TSPEAR: variants seen among roughly 807,000 people sequenced by gnomAD.
TSPEAR encodes the protein thrombospondin type laminin G domain and EAR repeats, also known as thrombospondin-type laminin G domain and EAR repeat-containing protein.
Under a neutral mutation model 71.6 loss-of-function variants are expected in TSPEAR, and 69 were observed. The observed-to-expected ratio is 0.96, with a 90% CI of 0.79 to 1.18. The LOEUF (loss-of-function observed/expected upper bound fraction) is 1.18, where lower values mean the gene tolerates loss of function less well. Ranked by LOEUF, TSPEAR falls within the 50% of genes most tolerant of loss-of-function variation. TSPEAR has a pLI of 0.00. For synonymous variants in TSPEAR, 402 were observed against 387.2 expected (o/e 1.04, Z -0.45); for missense variants, 971 against 894.9 (o/e 1.09, Z -1.09).
rs587775466 is a variant in TSPEAR at position 44,560,563 on chromosome 21, A to G, written c.303+7222T>C. 5.9e-5 allele frequency among the ~76,000 whole-genome samples: 9 copies of G among 152,310 alleles called. No homozygotes were observed. The East Asian group carries it at 1.7e-3, about 29-fold the overall frequency. On this transcript the variant is annotated intron_variant, in intron 2 of 11. Coordinates refer to ENST00000323084, the MANE Select transcript of TSPEAR (RefSeq NM_144991.3). ...TCAGTGTCACATGGCACTTATTCTA[A>G]AATTGACTTTATAATTGAAAGTAAA...
rs1987296448 is a variant in TSPEAR at position 44,695,515 on chromosome 21, C to T, written c.82+15918G>A. On this transcript the variant is annotated intron_variant, in intron 1 of 11. Transcript: ENST00000323084. The surrounding 1 kb of genome is among the most constrained non-coding windows in gnomAD (Gnocchi z 4.5). ...CACACTCCCTCAGGGTTGCAATGAC[C>T]TCCGATCCCAAGACCCTTTTCCCAA... Among the ~76,000 whole-genome samples the T allele has an allele frequency of 6.6e-6, 1 of 152,196 alleles. No homozygotes were observed. Among genetic ancestry groups the T allele is most frequent in the African/African-American group, 2.4e-5 (1 of 41,462 alleles).
intron 1 of TSPEAR, chr21:44,681,884 G>A: frequency 6.2e-7 from 1 of 1,614,134 alleles, no homozygotes; most frequent in South Asian, 1.1e-5. Context: ...GGACGCTGGT[G>A]CAGGAAGGCT....
intron 2 of TSPEAR, among the ~76,000 whole-genome samples, chr21:44,559,556 C>G (rs2053603879): frequency 6.6e-6 from 1 of 152,172 alleles, no homozygotes; most frequent in Non-Finnish European, 1.5e-5. Context: ...TCCTTGGGAG[C>G]TCCAAGGTCT....
intron 9 of TSPEAR, chr21:44,510,912 G>C (rs1295647560): frequency 1.3e-5 from 2 of 152,288 alleles, no homozygotes; most frequent in African/African-American, 4.8e-5. Context: ...AGGCTTTCCC[G>C]GGTCAGCGCG....
Position 44,588,725 on chromosome 21 carries a change from T to C in TSPEAR, c.83-20720A>G, listed in dbSNP as rs587679257. Among the ~76,000 whole-genome samples, 7 of 75,658 alleles carry C rather than the reference T, an allele frequency of 9.3e-5. No individual in the cohort carries two copies. In the South Asian group the frequency reaches 2.9e-3, roughly 31 times the overall value. The allele number at this position is 75,658 out of a possible 152,430, so 49.6% of individuals were successfully genotyped here. On this transcript the variant is annotated intron_variant, in intron 1 of 11. Coordinates refer to ENST00000323084, the MANE Select transcript of TSPEAR (RefSeq NM_144991.3). ...ATATATATAAACTGATATATATGTG[T>C]GTGTATATATGTATATATATGTTAT...
chr21:44,707,617 A>G (rs1388646397), intron 1 of TSPEAR, among the ~76,000 whole-genome samples: 5 of 152,080 alleles, frequency 3.3e-5, no homozygotes, highest in South Asian at 2.1e-4. Flanking sequence ...CTGGCCTTAT[A>G]GTTTAGAATT....
chr21:44,623,774 C>T lies in TSPEAR; in HGVS notation c.83-55769G>A, dbSNP rs1555933898. Among the ~76,000 whole-genome samples, 1 of 152,186 alleles carries T rather than the reference C, an allele frequency of 6.6e-6. No homozygotes were observed. The highest frequency in any genetic ancestry group is 1.5e-5 in the Non-Finnish European group (1 of 68,032). ...GCTGCCATCATTTCTACTGAGAAGTCATCTGTAAATGCTATTGTTGCTTCT... is the reference window on the plus strand; with the variant it reads ...GCTGCCATCATTTCTACTGAGAAGTTATCTGTAAATGCTATTGTTGCTTCT... On this transcript the variant is annotated intron_variant, in intron 1 of 11. Coordinates refer to ENST00000323084, the MANE Select transcript of TSPEAR (RefSeq NM_144991.3). The surrounding 1 kb of genome is among the most constrained non-coding windows in gnomAD (Gnocchi z 4.5).
At chr21:44,514,806 C>CT (rs200783556) in intron 9 of TSPEAR, among the ~76,000 whole-genome samples, 2,468 of 152,258 alleles carry the variant, frequency 0.016, 37 homozygotes, top group Admixed American at 0.027. Context: ...GGCAGAAAGA[C>CT]TTTGAGGGCA....
chr21:44,707,332 G>A lies in TSPEAR; in HGVS notation c.82+4101C>T, dbSNP rs370731214. 3.3e-5 allele frequency among the ~76,000 whole-genome samples: 5 copies of A among 151,328 alleles called. No individual in the cohort carries two copies. The East Asian group carries it at 9.7e-4, about 29-fold the overall frequency. On this transcript the variant is annotated intron_variant, in intron 1 of 11. Coordinates refer to ENST00000323084, the MANE Select transcript of TSPEAR (RefSeq NM_144991.3). ...GGGGGTGCGGGGAGAGAGGACACAG[G>A]GTCGGAAGGGTGAGGGGTAGTGGCA... is the stretch of plus-strand genomic sequence containing the variant.
chr21:44,547,277 C>T (rs1555917827), intron 2 of TSPEAR, among the ~76,000 whole-genome samples: 2 of 152,134 alleles, frequency 1.3e-5, no homozygotes, highest in Non-Finnish European at 2.9e-5. Flanking sequence ...TTTGGTGAGG[C>T]ATCATTCTCC....
intron 2 of TSPEAR, among the ~76,000 whole-genome samples, chr21:44,556,554 A>G (rs1555919840): frequency 6.6e-6 from 1 of 152,144 alleles, no homozygotes; most frequent in Non-Finnish European, 1.5e-5. Flanking sequence ...TTAGCTGGGC[A>G]TGGTGGCCTG....
intron 1 of TSPEAR, chr21:44,697,029 CACTCACTCCCTCCCTCCT>C: frequency 1.0e-6 from 1 of 958,958 alleles, no homozygotes. Flanking sequence ...CCCAGACGCT[CACTCACTCCCTCCCTCCT>C]GCCCATCCAG....
chr21:44,551,502 G>A, intron 2 of TSPEAR: 1 of 1,556,862 alleles, frequency 6.4e-7, no homozygotes, highest in Non-Finnish European at 8.7e-7. Flanking sequence ...GTGTGAGTGA[G>A]TGAGTGTGTG....
chr21:44,612,446 C>T lies in TSPEAR; in HGVS notation c.83-44441G>A, dbSNP rs587705277. ...TTGCTGCACCTCCTCCCCCTGCCAA[C>T]AGGCCTGCTGTGTGCCTGTGTGCTG... On this transcript the variant is annotated intron_variant, in intron 1 of 11. Transcript: ENST00000323084. The surrounding 1 kb of genome is among the most constrained non-coding windows in gnomAD (Gnocchi z 4.1). 1.1e-5 allele frequency: 18 copies of T among 1,614,036 alleles called. 1 individual carries two copies. The Middle Eastern group carries it at 6.6e-4, about 59-fold the overall frequency.
At chr21:44,598,133 A>G (rs1392068623) in intron 1 of TSPEAR, among the ~76,000 whole-genome samples, 5 of 151,938 alleles carry the variant, frequency 3.3e-5, no homozygotes, top group African/African-American at 1.2e-4. Context: ...ATGCCGCAAC[A>G]TCACTAGCAT....
At chr21:44,639,763 G>C (rs587765933) in intron 1 of TSPEAR, among the ~76,000 whole-genome samples, 1 of 152,252 alleles carries the variant, frequency 6.6e-6, no homozygotes, top group African/African-American at 2.4e-5. Flanking sequence ...AGAGCCAGGA[G>C]GAGGGCCCGG....
chr21:44,624,728 CTA>C (rs1467044181), intron 1 of TSPEAR, among the ~76,000 whole-genome samples: 45 of 152,254 alleles, frequency 3.0e-4, no homozygotes, highest in African/African-American at 9.9e-4. Flanking sequence ...GTCCTGAACT[CTA>C]TGTTTTTGTC....
chr21:44,641,991 G>T (rs1984046603), intron 1 of TSPEAR, among the ~76,000 whole-genome samples: 1 of 151,744 alleles, frequency 6.6e-6, no homozygotes, highest in Non-Finnish European at 1.5e-5. Flanking sequence ...CACCCATCAA[G>T]GAAAATCTAA....
chr21:44,511,401 TGCAC>T (rs2052374292), intron 9 of TSPEAR, among the ~76,000 whole-genome samples: 1 of 152,196 alleles, frequency 6.6e-6, no homozygotes, highest in South Asian at 2.1e-4. Context: ...CATGCACAGA[TGCAC>T]ATGCATGCCT....
Sources: gnomAD v4.1 joint callset for allele counts (sites outside exome capture counted in the v4.1 genomes callset) on GRCh38, gnomAD v4.1.1 for gene constraint, Gnocchi (gnomAD v3.1) non-coding constraint, MANE v1.5 for transcripts, NCBI Gene and HGNC (gene_info 2026-07-23, HGNC 2026-07-21) for gene names.